Variants in NBL1 observed in about 807,000 individuals in gnomAD.
NBL1 encodes the protein NBL1, DAN family BMP antagonist.
NBL1 carries 9 observed loss-of-function variants against 16.0 expected under a neutral mutation model. That is an observed-to-expected ratio of 0.56 (90% CI 0.34 to 0.98). The LOEUF (loss-of-function observed/expected upper bound fraction) is 0.98. Ranked by LOEUF, NBL1 falls within the 50% of genes least tolerant of loss-of-function variation. The pLI is 0.02. For synonymous variants in NBL1, 86 were observed against 100.7 expected, an observed-to-expected ratio of 0.85 and a Z score of 0.87; for missense variants, 196 against 243.1, an observed-to-expected ratio of 0.81 and a Z score of 1.29.
At chr1:19,647,583 A>G (rs1570547696) in intron 1 of NBL1, 2 of 984,644 alleles carry the variant, frequency 2.0e-6, no homozygotes, top group Non-Finnish European at 2.4e-6. Context: ...GGGGAGGGGG[A>G]GCATCTGGTT....
At position 19,657,322 on chromosome 1, in the gene NBL1, A is replaced by G; in HGVS notation, c.*193A>G. ...TTAGAGCCAAGCTGCACAATTTAAT[A>G]TATTCAAGAGTGGGGGGAGGAAGCA... On this transcript the variant is annotated 3_prime_UTR_variant, in exon 4 of 4. Transcript: ENST00000375136. The G allele has an allele frequency of 2.6e-6, 1 of 391,670 alleles. No individual in the cohort carries two copies. Among genetic ancestry groups the G allele is most frequent in the Admixed American group, 3.7e-5 (1 of 26,954 alleles). 24.3% of individuals were successfully genotyped at this position (391,670 alleles called of 1,614,324 possible).
rs1276917784 is a variant in NBL1 at position 19,655,402 on chromosome 1, C to T, written c.249C>T (p.Asp83=). 4.3e-6 allele frequency: 7 copies of T among 1,614,156 alleles called. No individual in the cohort carries two copies. The highest frequency in any genetic ancestry group is 5.9e-6 in the Non-Finnish European group (7 of 1,180,012). The change falls in exon 3 of 4, where the codon GAC becomes GAT. Residue 83 remains aspartate (D), a synonymous_variant. Transcript: ENST00000375136. ...PQSTESLVHC[D]SCMPAQSMWE... The stretch of plus-strand genomic sequence containing the variant: ...CCACAGAGTCCCTGGTTCACTGTGA[C>T]TCCTGCATGCCAGCCCAGTCCATGT...
chr1:19,655,521 C>T (rs2095051369), intron 3 of NBL1, 86 bp downstream of exon 3: 3 of 1,442,318 alleles, frequency 2.1e-6, no homozygotes, highest in Admixed American at 3.9e-5. Flanking sequence ...TGTATTCCAG[C>T]AGATGGCCAC....
In NBL1 at chr1:19,644,643, T is replaced by G. The variant is rs2094966784; in HGVS notation, c.-20+197T>G. On this transcript the variant is annotated intron_variant, in intron 1 of 3. Transcript: ENST00000375136. The surrounding 1 kb of genome is among the most constrained non-coding windows in gnomAD (Gnocchi z 4.6). ...CCTCCGGACGCCGGCGCTGGGGACG[T>G]GGGCGCGGCACGGGGTGGCCGGGGG... Among the ~76,000 whole-genome samples the G allele has an allele frequency of 6.6e-6, 1 of 150,852 alleles. No homozygotes were observed. Among genetic ancestry groups the G allele is most frequent in the East Asian group, 2.0e-4 (1 of 5,080 alleles).
chr1:19,644,074 C>T (rs1219399981), upstream of NBL1: 9 of 973,512 alleles, frequency 9.2e-6, no homozygotes, highest in East Asian at 1.2e-4. This position sits in a 1 kb window ranked among gnomAD's most constrained non-coding sequence, Gnocchi z 4.6. Context: ...GTCCCGGCCG[C>T]CCCACCACGC....
chr1:19,654,196 G>A (rs2095043400), intron 1 of NBL1, among the ~76,000 whole-genome samples: 1 of 152,120 alleles, frequency 6.6e-6, no homozygotes, highest in African/African-American at 2.4e-5. Flanking sequence ...GATCGCTTGA[G>A]CCCCAGGAGT....
chr1:19,643,854 G>A (rs1230860350), upstream of NBL1: 2 of 991,344 alleles, frequency 2.0e-6, no homozygotes, highest in Non-Finnish European at 2.4e-6. The surrounding 1 kb of genome is among the most constrained non-coding windows in gnomAD (Gnocchi z 4.7). Flanking sequence ...GGGCTGGGGC[G>A]CCCCACTCTC....
intron 3 of NBL1, among the ~76,000 whole-genome samples, chr1:19,656,059 A>C (rs1235948495): frequency 1.3e-5 from 2 of 152,026 alleles, no homozygotes; most frequent in African/African-American, 2.4e-5. Flanking sequence ...CCTCCGCTTC[A>C]AGCACCTTTC....
In NBL1 at chr1:19,644,356, C is replaced by G. The variant is rs1017937508; in HGVS notation, c.-110C>G. The G allele has an allele frequency of 6.1e-6, 6 of 978,364 alleles. No individual in the cohort carries two copies. Among genetic ancestry groups the G allele is most frequent in the Non-Finnish European group, 7.3e-6 (6 of 826,862 alleles). 60.6% of individuals were successfully genotyped at this position (978,364 alleles called of 1,614,324 possible). ...CCCAGCCGAGCGTCGCGGGGCCGCC[C>G]CCCGCCCTGCCGGCCGCCTCGCCGA... On this transcript the variant is annotated 5_prime_UTR_variant, in exon 1 of 4. Coordinates refer to ENST00000375136, the MANE Select transcript of NBL1 (RefSeq NM_005380.8). This position sits in a 1 kb window ranked among gnomAD's most constrained non-coding sequence, Gnocchi z 4.6.
intron 3 of NBL1, among the ~76,000 whole-genome samples, chr1:19,656,412 T>TGGGG (rs2095056663): frequency 3.5e-5 from 1 of 28,508 alleles, no homozygotes. Context: ...GGGGGGTGGG[T>TGGGG]GGGGGGAACC....
intron 1 of NBL1, among the ~76,000 whole-genome samples, chr1:19,646,844 C>T (rs2094983563): frequency 6.6e-6 from 1 of 152,184 alleles, no homozygotes; most frequent in East Asian, 1.9e-4. Flanking sequence ...AATCCATTCC[C>T]AGCTGTCATC....
chr1:19,643,301 A>G (rs1327471584), upstream of NBL1: 13 of 1,613,438 alleles, frequency 8.1e-6, no homozygotes, highest in Non-Finnish European at 9.3e-6. This position sits in a 1 kb window ranked among gnomAD's most constrained non-coding sequence, Gnocchi z 4.7. Flanking sequence ...GGCCACTAGG[A>G]GCCACCCAGG....
chr1:19,657,131 G>A lies in NBL1; in HGVS notation c.*2G>A, dbSNP rs983611845. 16 of 1,370,464 alleles carry A rather than the reference G, an allele frequency of 1.2e-5. No individual in the cohort carries two copies. The highest frequency in any genetic ancestry group is 1.6e-5 in the Non-Finnish European group (16 of 1,016,460). 84.9% of individuals were successfully genotyped at this position (1,370,464 alleles called of 1,614,324 possible). A position where few individuals can be genotyped will look rare whatever the true frequency, so the allele number is the denominator to read the frequency against. On this transcript the variant is annotated 3_prime_UTR_variant, in exon 4 of 4. Transcript: ENST00000375136. ...GAGGAAGAGGGGGCTGAGGACTGAGGCCCCCCCAACTCTTCCTCCCCTCTC... is the reference window on the plus strand; with the variant it reads ...GAGGAAGAGGGGGCTGAGGACTGAGACCCCCCCAACTCTTCCTCCCCTCTC...
Position 19,658,104 on chromosome 1 carries a change from A to C in NBL1, c.*975A>C, listed in dbSNP as rs759499753. On this transcript the variant is annotated 3_prime_UTR_variant, in exon 4 of 4. Transcript: ENST00000375136. ...GGATGGGCTCGCTGAACCTCGAGGA[A>C]CTCCAGGACGAGGAGGACATGGGAC... 1 of 152,572 alleles carries C rather than the reference A, an allele frequency of 6.6e-6. No homozygotes were observed. The highest frequency in any genetic ancestry group is 2.4e-5 in the African/African-American group (1 of 41,380). The allele number at this position is 152,572 out of a possible 1,614,324, so 9.5% of individuals were successfully genotyped here. A position where few individuals can be genotyped will look rare whatever the true frequency, so the allele number is the denominator to read the frequency against.
chr1:19,651,703 T>C (rs916702344), intron 1 of NBL1, among the ~76,000 whole-genome samples: 4 of 151,876 alleles, frequency 2.6e-5, no homozygotes, highest in Admixed American at 2.0e-4. Context: ...GTCCTTTTTT[T>C]CCCTTTCCTT....
At chr1:19,649,954 C>T (rs1464505544) in intron 1 of NBL1, among the ~76,000 whole-genome samples, 1 of 152,190 alleles carries the variant, frequency 6.6e-6, no homozygotes, top group Non-Finnish European at 1.5e-5. Context: ...AGCCACCATG[C>T]TTAGCCTACT....
rs371065967 is a variant in NBL1 at position 19,655,355 on chromosome 1, G to A, written c.202G>A (p.Val68Ile). 3.0e-5 allele frequency: 48 copies of A among 1,614,094 alleles called. No individual in the cohort carries two copies. Among genetic ancestry groups the A allele is most frequent in the Non-Finnish European group, 3.6e-5 (42 of 1,180,008 alleles). Residue 68 changes from valine to isoleucine, a missense_variant, in exon 3 of 4, where the codon GTC becomes ATC. Transcript: ENST00000375136. ...ACLGQCFSYS[V>I]PNTFPQSTES... The stretch of plus-strand genomic sequence containing the variant: ...CCTAGGACAGTGCTTCAGCTACAGC[G>A]TCCCCAACACCTTCCCACAGTCCAC...
intron 1 of NBL1, among the ~76,000 whole-genome samples, chr1:19,653,509 G>A (rs980296856): frequency 7.9e-5 from 12 of 152,188 alleles, no homozygotes; most frequent in African/African-American, 2.9e-4. Flanking sequence ...GCGCATAGCT[G>A]CCTAGGAAGC....
intron 2 of NBL1, 32 bp downstream of exon 2, chr1:19,655,232 G>A: frequency 6.2e-7 from 1 of 1,605,868 alleles, no homozygotes; most frequent in African/African-American, 1.3e-5. Flanking sequence ...GGGGGATGCG[G>A]ACAGGGGTCC....
Sources: allele counts gnomAD v4.1 joint callset (sites outside exome capture counted in the v4.1 genomes callset), GRCh38; gene constraint gnomAD v4.1.1; non-coding constraint Gnocchi (gnomAD v3.1); transcripts MANE v1.5; gene names NCBI Gene and HGNC (gene_info 2026-07-23, HGNC 2026-07-21).